The following LRRCC1 variants were observed in gnomAD, a reference collection of about 807,000 sequenced individuals.
LRRCC1 encodes the protein leucine-rich repeat and coiled-coil domain-containing protein 1.
A neutral mutation model predicts 126.0 loss-of-function variants in LRRCC1; 115 were observed. That is an observed-to-expected ratio of 0.91 (90% CI 0.78 to 1.07). LRRCC1 has a LOEUF of 1.07. LRRCC1 is among the 50% of genes least tolerant of loss of function. The probability of loss-of-function intolerance (pLI) is 0.00; values close to 1 mark genes in which losing one functional copy is unlikely to be tolerated. For synonymous variants in LRRCC1, 400 were observed against 393.4 expected, an observed-to-expected ratio of 1.02 and a Z score of -0.20; for missense variants, 1,172 against 1,175.7, an observed-to-expected ratio of 1.00 and a Z score of 0.05.
At chr8:85,126,875 C>T in intron 9 of LRRCC1, 38 bp downstream of exon 9, 1 of 1,530,710 alleles carries the variant, frequency 6.5e-7, no homozygotes, top group South Asian at 1.2e-5. Context: ...TACCTCATAG[C>T]ATAAACAATA....
chr8:85,142,831 C>CA (rs35806219), intron 18 of LRRCC1, among the ~76,000 whole-genome samples: 79,959 of 119,252 alleles, frequency 0.67, 25,319 homozygotes, highest in Non-Finnish European at 0.71. Context: ...GACCCTGTCT[C>CA]AAAAAAAAAA....
intron 6 of LRRCC1, among the ~76,000 whole-genome samples, chr8:85,120,106 TTCTG>T (rs1426214504): frequency 2.0e-5 from 3 of 152,204 alleles, no homozygotes; most frequent in Admixed American, 1.3e-4. Flanking sequence ...TCTGAATAAT[TTCTG>T]TCTTTTTAAA....
intron 12 of LRRCC1, among the ~76,000 whole-genome samples, chr8:85,132,777 T>G (rs1414726721): frequency 1.3e-5 from 2 of 152,224 alleles, no homozygotes; most frequent in Non-Finnish European, 2.9e-5. Context: ...AGAAAAAGTT[T>G]GGTAACCCCT....
intron 17 of LRRCC1, among the ~76,000 whole-genome samples, chr8:85,139,935 T>C (rs1370279581): frequency 6.6e-6 from 1 of 152,252 alleles, no homozygotes; most frequent in African/African-American, 2.4e-5. Flanking sequence ...AGTTGTTTTC[T>C]GTTGATAGAT....
chr8:85,144,470 ATATATTT>A (rs1397339953), intron 18 of LRRCC1, among the ~76,000 whole-genome samples: 879 of 17,956 alleles, frequency 0.049, 4 homozygotes, highest in Non-Finnish European at 0.073. Context: ...ATATATATAT[ATATATTT>A]TTTTTTTTTT....
intron 6 of LRRCC1, among the ~76,000 whole-genome samples, chr8:85,119,152 C>CTGGG (rs1356705687): frequency 6.6e-6 from 1 of 151,458 alleles, no homozygotes; most frequent in Non-Finnish European, 1.5e-5. Flanking sequence ...AAATCTAGCT[C>CTGGG]TGGGTTCTTT....
At chr8:85,113,601 TAGA>T (rs1370753447) in intron 4 of LRRCC1, among the ~76,000 whole-genome samples, 4 of 151,956 alleles carry the variant, frequency 2.6e-5, no homozygotes, top group Non-Finnish European at 2.9e-5. Context: ...ATAAAACATC[TAGA>T]AGAATATACA....
chr8:85,125,469 C>T (rs1809906863), intron 8 of LRRCC1, among the ~76,000 whole-genome samples: 1 of 150,780 alleles, frequency 6.6e-6, no homozygotes, highest in Admixed American at 6.6e-5. Context: ...GTCAGGAGAT[C>T]GAGACCATCC....
intron 6 of LRRCC1, among the ~76,000 whole-genome samples, chr8:85,117,391 A>G (rs1283961616): frequency 6.6e-6 from 1 of 152,156 alleles, no homozygotes; most frequent in Non-Finnish European, 1.5e-5. Context: ...ACTGCTATGT[A>G]TATTTAAAAT....
chr8:85,109,662 A>T lies in LRRCC1; in HGVS notation c.172A>T (p.Ile58Phe). Residue 58 changes from isoleucine to phenylalanine, a missense_variant, in exon 2 of 19, where the codon ATC (isoleucine) becomes TTC (phenylalanine). Transcript: ENST00000360375. The part of the protein sequence containing the change: ...VNLHCNNISK[I>F]EAIDHIWNLQ... ...TCTTCATTGCAATAACATCTCCAAG[A>T]TCGAAGCCATTGATCATATTTGGAA... The T allele has an allele frequency of 6.2e-7, 1 of 1,611,770 alleles. No homozygotes were observed. Among genetic ancestry groups the T allele is most frequent in the Non-Finnish European group, 8.5e-7 (1 of 1,178,272 alleles).
chr8:85,121,653 T>C, intron 6 of LRRCC1, among the ~76,000 whole-genome samples: 1 of 151,992 alleles, frequency 6.6e-6, no homozygotes, highest in Non-Finnish European at 1.5e-5. Flanking sequence ...GTTGGTCAGG[T>C]TGGTCTTGAA....
chr8:85,119,547 A>C (rs1308487945), intron 6 of LRRCC1, among the ~76,000 whole-genome samples: 1 of 150,336 alleles, frequency 6.7e-6, no homozygotes, highest in Non-Finnish European at 1.5e-5. Context: ...GCTGGAGTAC[A>C]GTGGCCTAAT....
intron 6 of LRRCC1, among the ~76,000 whole-genome samples, chr8:85,122,590 C>T (rs1809642742): frequency 6.6e-6 from 1 of 152,010 alleles, no homozygotes; most frequent in South Asian, 2.1e-4. Context: ...TATTTCTGAG[C>T]TGAGTTTTCT....
intron 18 of LRRCC1, among the ~76,000 whole-genome samples, chr8:85,142,756 G>A (rs939270441): frequency 6.6e-6 from 1 of 151,530 alleles, no homozygotes; most frequent in East Asian, 1.9e-4. Flanking sequence ...CTTGAGCCCT[G>A]GAGGCAGAGG....
intron 6 of LRRCC1, among the ~76,000 whole-genome samples, chr8:85,121,715 G>T (rs1404519246): frequency 3.3e-5 from 5 of 152,058 alleles, no homozygotes; most frequent in African/African-American, 9.7e-5. Flanking sequence ...TGGTGGGATA[G>T]AATTCAGTTT....
chr8:85,137,685 A>G (rs1294801735), intron 15 of LRRCC1, 58 bp downstream of exon 15: 6 of 1,226,190 alleles, frequency 4.9e-6, no homozygotes, highest in Non-Finnish European at 6.5e-6. Context: ...AAATCTTTGG[A>G]TCAAAGTATC....
At chr8:85,128,600 T>C (rs765638597) in intron 9 of LRRCC1, among the ~76,000 whole-genome samples, 14 of 152,120 alleles carry the variant, frequency 9.2e-5, no homozygotes, top group Admixed American at 8.5e-4. Flanking sequence ...GTATCTTTAT[T>C]ATCCAAACCT....
At chr8:85,127,761 C>G (rs1346873152) in intron 9 of LRRCC1, among the ~76,000 whole-genome samples, 1 of 152,134 alleles carries the variant, frequency 6.6e-6, no homozygotes, top group African/African-American at 2.4e-5. Context: ...GCTATGAGAA[C>G]CTCTATAATT....
intron 12 of LRRCC1, among the ~76,000 whole-genome samples, chr8:85,133,225 G>A (rs977763334): frequency 1.3e-5 from 2 of 152,170 alleles, no homozygotes; most frequent in Non-Finnish European, 2.9e-5. Context: ...CCTAGGTGCA[G>A]GATTAGACAG....
Sources: allele counts gnomAD v4.1 joint callset (sites outside exome capture counted in the v4.1 genomes callset), GRCh38; gene constraint gnomAD v4.1.1; transcripts MANE v1.5; gene names NCBI Gene and HGNC (gene_info 2026-07-23, HGNC 2026-07-21).